Variants in CRYBG3 observed in about 807,000 individuals in gnomAD.
CRYBG3 encodes crystallin beta-gamma domain containing 3, also known as very large A-kinase anchor protein.
Under a neutral mutation model 244.2 loss-of-function variants are expected in CRYBG3, and 127 were observed. That is an observed-to-expected ratio of 0.52 (90% CI 0.45 to 0.60). CRYBG3 has a LOEUF of 0.60. Ranked by LOEUF, CRYBG3 falls within the 20% of genes least tolerant of loss-of-function variation. The pLI, the probability that CRYBG3 is intolerant of heterozygous loss-of-function variation, is 0.00. For synonymous variants in CRYBG3, 1,132 were observed against 1,195.8 expected (o/e 0.95, Z 1.10); for missense variants, 3,325 against 3,442.5 (o/e 0.97, Z 0.85).
chr3:97,896,133 T>C (rs775951219), intron 12 of CRYBG3, 48 bp downstream of exon 12: 165 of 1,552,002 alleles, frequency 1.1e-4, no homozygotes, highest in Non-Finnish European at 1.3e-4. Context: ...AAAAAATCTG[T>C]TCACAAAAAT....
chr3:97,882,332 T>C (rs2039458042), intron 7 of CRYBG3, among the ~76,000 whole-genome samples: 1 of 152,064 alleles, frequency 6.6e-6, no homozygotes, highest in Admixed American at 6.6e-5. Flanking sequence ...TTTCCAGATA[T>C]ATCTTTTTCT....
chr3:97,859,668 A>T (rs1421640694), intron 2 of CRYBG3, among the ~76,000 whole-genome samples: 1 of 152,118 alleles, frequency 6.6e-6, no homozygotes, highest in East Asian at 1.9e-4. Context: ...CAAATTCTCT[A>T]AATTTTGAGA....
At chr3:97,881,685 C>T (rs928653224) in intron 7 of CRYBG3, among the ~76,000 whole-genome samples, 4 of 151,588 alleles carry the variant, frequency 2.6e-5, no homozygotes, top group African/African-American at 7.3e-5. Flanking sequence ...CACTGCACTC[C>T]AGCCTGGGCG....
chr3:97,870,967 A>G (rs2039295399), intron 3 of CRYBG3, among the ~76,000 whole-genome samples: 1 of 152,186 alleles, frequency 6.6e-6, no homozygotes, highest in South Asian at 2.1e-4. Context: ...GTAGAGGGAT[A>G]GGTTTGCAGT....
At chr3:97,859,066 A>G (rs373409301) in intron 2 of CRYBG3, among the ~76,000 whole-genome samples, 24 of 152,156 alleles carry the variant, frequency 1.6e-4, no homozygotes, top group African/African-American at 5.8e-4. Flanking sequence ...TTGGGCTGTC[A>G]TCAACATCTG....
intron 21 of CRYBG3, 151 bp downstream of exon 21, chr3:97,942,594 C>G: frequency 4.3e-6 from 3 of 700,194 alleles, no homozygotes. Flanking sequence ...GGCAGTTTTA[C>G]AAACAAAACA....
chr3:97,834,879 A>T (rs144776565), intron 1 of CRYBG3, among the ~76,000 whole-genome samples: 217 of 151,710 alleles, frequency 1.4e-3, no homozygotes, highest in African/African-American at 5.1e-3. Flanking sequence ...TCTCTTTTTG[A>T]TAGTAATATT....
At position 97,876,321 on chromosome 3, in the gene CRYBG3, C is replaced by G; in HGVS notation, c.5127C>G (p.Pro1709=). 8.1e-7 allele frequency: 1 copy of G among 1,231,516 alleles called. No individual in the cohort carries two copies. The highest frequency in any genetic ancestry group is 1.0e-6 in the Non-Finnish European group (1 of 987,852). The allele number at this position is 1,231,516 out of a possible 1,614,324, so 76.3% of individuals were successfully genotyped here. A position where few individuals can be genotyped will look rare whatever the true frequency, so the allele number is the denominator to read the frequency against. The part of the protein sequence containing the change: ...EGISEKAEVI[P]VTLAMENTYQ... ...TTAGTGAAAAGGCTGAAGTGATACC[C>G]GTTACATTAGCAATGGAAAATACTT... Residue 1709 remains proline, a synonymous_variant, in exon 4 of 22, where the codon CCC becomes CCG. Coordinates refer to ENST00000389622, the MANE Select transcript of CRYBG3 (RefSeq NM_153605.4).
At chr3:97,822,900 A>C (rs570375501) in intron 1 of CRYBG3, among the ~76,000 whole-genome samples, 12 of 152,288 alleles carry the variant, frequency 7.9e-5, no homozygotes, top group African/African-American at 2.2e-4. Flanking sequence ...AATTTTCTCA[A>C]AATGATTTTT....
At chr3:97,852,070 C>T (rs935099474) in intron 2 of CRYBG3, among the ~76,000 whole-genome samples, 1 of 152,092 alleles carries the variant, frequency 6.6e-6, no homozygotes, top group Non-Finnish European at 1.5e-5. Context: ...AGTGAAGCAT[C>T]CAGGTATGGA....
chr3:97,857,313 T>A (rs1291268466), intron 2 of CRYBG3, among the ~76,000 whole-genome samples: 1 of 152,120 alleles, frequency 6.6e-6, no homozygotes, highest in African/African-American at 2.4e-5. Context: ...CTGAAGAATA[T>A]TCCATTTGCT....
At chr3:97,908,746 T>C (rs1575957108) in intron 15 of CRYBG3, among the ~76,000 whole-genome samples, 1 of 152,180 alleles carries the variant, frequency 6.6e-6, no homozygotes, top group South Asian at 2.1e-4. Context: ...AGTCCATTTA[T>C]ATTTAAAGTT....
intron 2 of CRYBG3, among the ~76,000 whole-genome samples, chr3:97,847,234 A>G (rs916634953): frequency 6.6e-6 from 1 of 152,222 alleles, no homozygotes; most frequent in African/African-American, 2.4e-5. Context: ...TCCAAACTGT[A>G]TCACCAGTTA....
At chr3:97,896,433 A>G (rs1343187154) in intron 12 of CRYBG3, among the ~76,000 whole-genome samples, 1 of 152,200 alleles carries the variant, frequency 6.6e-6, no homozygotes, top group Admixed American at 6.5e-5. Context: ...TATTAAGTAC[A>G]AAGTACTCAG....
chr3:97,942,642 T>G, intron 21 of CRYBG3, 199 bp downstream of exon 21: 1 of 501,900 alleles, frequency 2.0e-6, no homozygotes, highest in Non-Finnish European at 3.5e-6. Flanking sequence ...CTTAGGGTTT[T>G]TGTTCATTAG....
chr3:97,833,772 C>CT (rs1277767966), intron 1 of CRYBG3, among the ~76,000 whole-genome samples: 1 of 152,002 alleles, frequency 6.6e-6, no homozygotes, highest in Non-Finnish European at 1.5e-5. Context: ...CTGTCATAGT[C>CT]TGTGTTCTGT....
chr3:97,830,288 T>G (rs1432823724), intron 1 of CRYBG3, among the ~76,000 whole-genome samples: 1 of 152,176 alleles, frequency 6.6e-6, no homozygotes, highest in African/African-American at 2.4e-5. Context: ...CTTTCAGTGC[T>G]TTTTTCTACA....
chr3:97,885,579 C>A (rs1362592688), intron 7 of CRYBG3, among the ~76,000 whole-genome samples: 1 of 152,006 alleles, frequency 6.6e-6, no homozygotes, highest in Non-Finnish European at 1.5e-5. Flanking sequence ...GGGATAAGGT[C>A]TTTTTTTGAG....
intron 20 of CRYBG3, 101 bp from the exon 21 acceptor site, chr3:97,942,183 A>G (rs2040246192): frequency 2.0e-6 from 2 of 993,700 alleles, no homozygotes; most frequent in Non-Finnish European, 2.9e-6. Context: ...ACACACACAC[A>G]CTTCATGTCT....
Sources: gnomAD v4.1 joint callset for allele counts (sites outside exome capture counted in the v4.1 genomes callset) on GRCh38, gnomAD v4.1.1 for gene constraint, MANE v1.5 for transcripts, NCBI Gene and HGNC (gene_info 2026-07-23, HGNC 2026-07-21) for gene names.